OLFM3: variants seen among roughly 807,000 people sequenced by gnomAD.
The protein encoded by OLFM3 is noelin-3.
OLFM3 carries 20 observed loss-of-function variants against 48.6 expected under a neutral mutation model. The ratio of observed to expected loss-of-function variants is 0.41; its 90% CI spans 0.29 to 0.60. The LOEUF (loss-of-function observed/expected upper bound fraction) is 0.60. OLFM3 is among the 20% of genes least tolerant of loss of function. The pLI is 0.28. For missense variants in OLFM3, 437 were observed against 544.3 expected (o/e 0.80, Z 1.96); for synonymous variants, 222 against 198.1 (o/e 1.12, Z -1.01).
intron 1 of OLFM3, among the ~76,000 whole-genome samples, chr1:101,917,989 T>TA (rs201181597): frequency 1.6e-4 from 25 of 152,026 alleles, no homozygotes; most frequent in South Asian, 4.2e-4. Context: ...GAACATTGAT[T>TA]AAAAAAAACC....
chr1:101,968,701 T>C lies in OLFM3; in HGVS notation c.69+28047A>G, dbSNP rs539872986. 8.5e-5 allele frequency among the ~76,000 whole-genome samples: 13 copies of C among 152,298 alleles called. No homozygotes were observed. In the South Asian group the frequency reaches 2.5e-3, roughly 29 times the overall value. On this transcript the variant is annotated intron_variant, in intron 1 of 5. Transcript: ENST00000370103. ...ACCTTCAAATTAGCTACTCACACTATATAAAATTGTCCCTGTCTCTCAATG... is the reference window on the plus strand; with the variant it reads ...ACCTTCAAATTAGCTACTCACACTACATAAAATTGTCCCTGTCTCTCAATG...
intron 1 of OLFM3, among the ~76,000 whole-genome samples, chr1:101,880,649 G>T (rs2100989639): frequency 6.6e-6 from 1 of 151,830 alleles, no homozygotes; most frequent in African/African-American, 2.4e-5. Flanking sequence ...AGAGGTAGTT[G>T]TTAATAATTT....
intron 1 of OLFM3, among the ~76,000 whole-genome samples, chr1:101,988,951 A>G (rs12028315): frequency 0.99 from 150,078 of 152,204 alleles, 74,029 homozygotes; most frequent in Middle Eastern, 1. Context: ...ACTTTTGTTC[A>G]TGAACAACTA....
At chr1:101,871,354 T>G (rs1038673189) in intron 1 of OLFM3, among the ~76,000 whole-genome samples, 3 of 152,140 alleles carry the variant, frequency 2.0e-5, no homozygotes, top group African/African-American at 7.2e-5. Context: ...TTCAAATATT[T>G]TGTTTTATAA....
chr1:101,861,498 C>T (rs893207022), intron 1 of OLFM3, among the ~76,000 whole-genome samples: 1 of 152,170 alleles, frequency 6.6e-6, no homozygotes, highest in African/African-American at 2.4e-5. Flanking sequence ...CCAGGAAACA[C>T]CATAGAAGGT....
intron 1 of OLFM3, among the ~76,000 whole-genome samples, chr1:101,925,122 C>T (rs1659229127): frequency 6.6e-6 from 1 of 152,056 alleles, no homozygotes; most frequent in Non-Finnish European, 1.5e-5. Flanking sequence ...TATGGGTTTT[C>T]ATAAAACATG....
intron 1 of OLFM3, among the ~76,000 whole-genome samples, chr1:101,853,405 G>T (rs1656297311): frequency 6.6e-6 from 1 of 151,876 alleles, no homozygotes; most frequent in African/African-American, 2.4e-5. Flanking sequence ...CTTGTCACCT[G>T]GTTGCTTTAT....
intron 2 of OLFM3, among the ~76,000 whole-genome samples, chr1:101,834,250 A>G (rs1655296936): frequency 6.6e-6 from 1 of 152,190 alleles, no homozygotes; most frequent in Non-Finnish European, 1.5e-5. Flanking sequence ...TGACAATGGA[A>G]AGTTTTCAAC....
intron 1 of OLFM3, among the ~76,000 whole-genome samples, chr1:101,945,595 CAT>C (rs1238055980): frequency 2.0e-5 from 3 of 151,814 alleles, no homozygotes; most frequent in Admixed American, 6.6e-5. Flanking sequence ...TGAGTTAATA[CAT>C]ATGTTGAAAT....
intron 1 of OLFM3, among the ~76,000 whole-genome samples, chr1:101,983,844 T>C (rs560839322): frequency 3.9e-5 from 6 of 152,356 alleles, no homozygotes; most frequent in South Asian, 2.1e-4. Flanking sequence ...GAAATATGCA[T>C]TGGTTTTCTA....
chr1:101,881,386 C>A (rs1448326412), intron 1 of OLFM3, among the ~76,000 whole-genome samples: 1 of 151,814 alleles, frequency 6.6e-6, no homozygotes. Flanking sequence ...ATCCTAAGAT[C>A]TTCATGAAAA....
At chr1:101,991,150 TA>T (rs11329059) in intron 1 of OLFM3, among the ~76,000 whole-genome samples, 45,968 of 149,668 alleles carry the variant, frequency 0.31, 7,223 homozygotes, top group South Asian at 0.35. Flanking sequence ...ATTGTAGATT[TA>T]AACCAGGGTA....
At chr1:101,988,079 A>G (rs1570693582) in intron 1 of OLFM3, among the ~76,000 whole-genome samples, 2 of 152,202 alleles carry the variant, frequency 1.3e-5, no homozygotes, top group African/African-American at 4.8e-5. Context: ...ATGGCACAGT[A>G]CCATTATAAG....
chr1:101,905,494 A>T (rs558881272), intron 1 of OLFM3, among the ~76,000 whole-genome samples: 2 of 152,092 alleles, frequency 1.3e-5, no homozygotes, highest in Non-Finnish European at 2.9e-5. Flanking sequence ...TCTACTTTAG[A>T]TCTATTTACT....
intron 1 of OLFM3, among the ~76,000 whole-genome samples, chr1:101,937,896 C>A (rs190619962): frequency 9.1e-4 from 139 of 152,244 alleles, no homozygotes; most frequent in African/African-American, 3.2e-3. Context: ...ATAGATTTTT[C>A]TTGTTTACTT....
intron 1 of OLFM3, 57 bp downstream of exon 1, chr1:101,996,691 T>A: frequency 3.2e-6 from 5 of 1,552,960 alleles, no homozygotes; most frequent in Non-Finnish European, 4.4e-6. Flanking sequence ...GCATTTCTGT[T>A]AGGTTTGTTA....
Position 101,988,238 on chromosome 1 carries a change from T to G in OLFM3, c.69+8510A>C, listed in dbSNP as rs1021823011. On this transcript the variant is annotated intron_variant, in intron 1 of 5. Coordinates refer to ENST00000370103, the MANE Select transcript of OLFM3 (RefSeq NM_058170.4). ...TACAATAAAAGTAGTCAAAACAACA[T>G]GTACACATTAATGAAATGTTTGGAC... Among the ~76,000 whole-genome samples, 36 of 152,114 alleles carry G rather than the reference T, an allele frequency of 2.4e-4. 1 individual carries two copies. The highest frequency in any genetic ancestry group is 1.3e-4 in the Non-Finnish European group (9 of 67,960).
At position 101,889,104 on chromosome 1, in the gene OLFM3, A is replaced by G. The variant is rs990415610; in HGVS notation, c.70-52079T>C. On this transcript the variant is annotated intron_variant, in intron 1 of 5. Transcript: ENST00000370103. ...TGGAAGACAGTGTGGCGATTCCTCAAGGATCTAGAACTAGAAATACCATTT... is the reference window on the plus strand; with the variant it reads ...TGGAAGACAGTGTGGCGATTCCTCAGGGATCTAGAACTAGAAATACCATTT... Among the ~76,000 whole-genome samples the G allele has an allele frequency of 1.2e-4, 18 of 152,302 alleles. No homozygotes were observed. In the South Asian group the frequency reaches 1.9e-3, roughly 16 times the overall value.
chr1:101,983,237 A>G (rs1661148956), intron 1 of OLFM3, among the ~76,000 whole-genome samples: 1 of 152,226 alleles, frequency 6.6e-6, no homozygotes, highest in African/African-American at 2.4e-5. Context: ...ACAGGCTTGT[A>G]CATCTCTTTG....
Sources: allele counts gnomAD v4.1 joint callset (sites outside exome capture counted in the v4.1 genomes callset), GRCh38; gene constraint gnomAD v4.1.1; transcripts MANE v1.5; gene names NCBI Gene and HGNC (gene_info 2026-07-23, HGNC 2026-07-21).